Variants in RGS9 observed in about 807,000 individuals in gnomAD.
RGS9 encodes the protein regulator of G-protein signalling 9.
Under a neutral mutation model 102.0 loss-of-function variants are expected in RGS9, and 78 were observed. That is an observed-to-expected ratio of 0.76 (90% CI 0.64 to 0.92). The LOEUF (loss-of-function observed/expected upper bound fraction) is 0.92, where lower values mean the gene tolerates loss of function less well. RGS9 is among the 40% of genes least tolerant of loss of function. The pLI, the probability that RGS9 is intolerant of heterozygous loss-of-function variation, is 0.00. For synonymous variants in RGS9, 353 were observed against 318.6 expected, an observed-to-expected ratio of 1.11 and a Z score of -1.15; for missense variants, 833 against 866.1, an observed-to-expected ratio of 0.96 and a Z score of 0.48.
At chr17:65,189,607 T>TC (rs1912280440) in intron 10 of RGS9, among the ~76,000 whole-genome samples, 1 of 152,002 alleles carries the variant, frequency 6.6e-6, no homozygotes, top group African/African-American at 2.4e-5. Context: ...AGACTCTACA[T>TC]CCCCAACGTG....
intron 5 of RGS9, 55 bp from the exon 6 acceptor site, chr17:65,160,796 T>A (rs1272163773): frequency 2.4e-5 from 37 of 1,572,366 alleles, no homozygotes; most frequent in Non-Finnish European, 3.2e-5. Context: ...TTAGGGAGGC[T>A]GCAGATGGGG....
intron 7 of RGS9, among the ~76,000 whole-genome samples, chr17:65,164,140 C>T (rs756320798): frequency 6.6e-6 from 1 of 152,258 alleles, no homozygotes; most frequent in Middle Eastern, 3.4e-3. Flanking sequence ...TTACAAACAG[C>T]CCCCAACTCT....
At chr17:65,172,984 G>A (rs1421537643) in intron 8 of RGS9, among the ~76,000 whole-genome samples, 9 of 151,108 alleles carry the variant, frequency 6.0e-5, no homozygotes, top group Admixed American at 1.3e-4. Context: ...GTGCAATGGC[G>A]TGATCTCAGC....
At chr17:65,149,965 T>C (rs973783114) in intron 1 of RGS9, among the ~76,000 whole-genome samples, 1 of 152,194 alleles carries the variant, frequency 6.6e-6, no homozygotes, top group African/African-American at 2.4e-5. Flanking sequence ...TTTTGTAAAT[T>C]GTAATGAGCC....
intron 9 of RGS9, among the ~76,000 whole-genome samples, chr17:65,180,357 C>T (rs777348626): frequency 6.6e-6 from 1 of 151,108 alleles, no homozygotes; most frequent in African/African-American, 2.4e-5. Flanking sequence ...CTTTTCTATT[C>T]TTTTTTTTTG....
chr17:65,144,322 C>G (rs1910271832), intron 1 of RGS9, among the ~76,000 whole-genome samples: 1 of 152,194 alleles, frequency 6.6e-6, no homozygotes, highest in African/African-American at 2.4e-5. Context: ...CAGTGAGTGA[C>G]AGCTCCTTAA....
intron 11 of RGS9, 48 bp from the exon 12 acceptor site, chr17:65,193,495 A>G (rs1466715062): frequency 5.1e-6 from 6 of 1,186,592 alleles, no homozygotes; most frequent in Non-Finnish European, 7.6e-6. Flanking sequence ...TTGATGTCAT[A>G]TCTTGGGTGT....
At chr17:65,175,190 C>T (rs151012986) in intron 8 of RGS9, among the ~76,000 whole-genome samples, 24 of 150,708 alleles carry the variant, frequency 1.6e-4, no homozygotes, top group Admixed American at 8.6e-4. Context: ...TGTGAGCATG[C>T]GTGTGTGAGT....
intron 13 of RGS9, among the ~76,000 whole-genome samples, chr17:65,201,335 T>C (rs1249158752): frequency 6.6e-6 from 1 of 152,204 alleles, no homozygotes; most frequent in African/African-American, 2.4e-5. Context: ...GTCCTGCTCC[T>C]GGCCAGACCT....
intron 7 of RGS9, among the ~76,000 whole-genome samples, chr17:65,163,910 C>G (rs1333732205): frequency 6.6e-6 from 1 of 152,146 alleles, no homozygotes; most frequent in Non-Finnish European, 1.5e-5. Flanking sequence ...TGGTGAGGGC[C>G]ATAGGGAGCC....
intron 11 of RGS9, among the ~76,000 whole-genome samples, chr17:65,190,995 G>T (rs1406231106): frequency 2.6e-5 from 4 of 152,106 alleles, no homozygotes; most frequent in Non-Finnish European, 4.4e-5. Flanking sequence ...TATGTTTAAG[G>T]GTTGGGCTCT....
At chr17:65,209,850 G>A (rs1038576316) in intron 16 of RGS9, among the ~76,000 whole-genome samples, 1 of 152,194 alleles carries the variant, frequency 6.6e-6, no homozygotes. Context: ...GGCTGAGGCG[G>A]ATGGATCAGT....
intron 13 of RGS9, among the ~76,000 whole-genome samples, chr17:65,200,094 C>A (rs1217406366): frequency 6.6e-6 from 1 of 151,926 alleles, no homozygotes; most frequent in East Asian, 1.9e-4. Flanking sequence ...TGCAATGGTA[C>A]CATCTCGGCT....
intron 7 of RGS9, among the ~76,000 whole-genome samples, chr17:65,164,201 C>G (rs976199429): frequency 6.6e-6 from 1 of 152,092 alleles, no homozygotes; most frequent in African/African-American, 2.4e-5. Flanking sequence ...CCTCATCCAC[C>G]GTGGGGCAGC....
At chr17:65,155,521 T>C (rs139647038) in intron 2 of RGS9, among the ~76,000 whole-genome samples, 1 of 152,208 alleles carries the variant, frequency 6.6e-6, no homozygotes, top group African/African-American at 2.4e-5. Context: ...CTTTCTCCAT[T>C]GTTTTTGTTT....
intron 16 of RGS9, 103 bp downstream of exon 16, chr17:65,208,110 G>A: frequency 1.3e-6 from 1 of 791,200 alleles, no homozygotes; most frequent in Non-Finnish European, 2.2e-6. Context: ...TTTGCTTGAT[G>A]AAAATATTGG....
chr17:65,227,506 G>A lies in RGS9; in HGVS notation c.*99G>A, dbSNP rs1307282746. 5.5e-6 allele frequency: 8 copies of A among 1,467,326 alleles called. No homozygotes were observed. The Admixed American group carries it at 1.6e-4, about 29-fold the overall frequency. The allele number at this position is 1,467,326 out of a possible 1,614,324, so 90.9% of individuals were successfully genotyped here. A position where few individuals can be genotyped will look rare whatever the true frequency, so the allele number is the denominator to read the frequency against. ...GACACACTTGCTCGAGAACCAAAGT[G>A]CATTTGGGTGACATTTGAAGATTGG... is the stretch of plus-strand genomic sequence containing the variant. On this transcript the variant is annotated 3_prime_UTR_variant, in exon 19 of 19. Transcript: ENST00000262406.
At chr17:65,160,728 CA>C (rs1910950472) in intron 5 of RGS9, 122 bp from the exon 6 acceptor site, 1 of 1,387,754 alleles carries the variant, frequency 7.2e-7, no homozygotes, top group South Asian at 1.2e-5. Context: ...TCCCCAGGGG[CA>C]AGGGGCTGGG....
Position 65,168,346 on chromosome 17 carries a change from T to C in RGS9, c.582+65T>C, listed in dbSNP as rs1003645944. On this transcript the variant is annotated intron_variant, in intron 8 of 18. Coordinates refer to ENST00000262406, the MANE Select transcript of RGS9 (RefSeq NM_003835.4). Reference sequence around the variant, plus strand: ...TGCCTCCCACCTCCATCCTGTGCTCTCCATACCTGTTGCCAACTCCTCTTT... The same window carrying C: ...TGCCTCCCACCTCCATCCTGTGCTCCCCATACCTGTTGCCAACTCCTCTTT... 8.9e-6 allele frequency: 10 copies of C among 1,118,428 alleles called. No individual in the cohort carries two copies. In the African/African-American group the frequency reaches 1.1e-4, roughly 12 times the overall value. The allele number at this position is 1,118,428 out of a possible 1,614,324, so 69.3% of individuals were successfully genotyped here.
Sources: allele counts gnomAD v4.1 joint callset (sites outside exome capture counted in the v4.1 genomes callset), GRCh38; gene constraint gnomAD v4.1.1; transcripts MANE v1.5; gene names NCBI Gene and HGNC (gene_info 2026-07-23, HGNC 2026-07-21).